LSP1: variants seen among roughly 807,000 people sequenced by gnomAD.
The protein encoded by LSP1 is lymphocyte-specific protein 1.
A neutral mutation model predicts 49.3 loss-of-function variants in LSP1; 32 were observed. The observed-to-expected ratio is 0.65, with a 90% CI of 0.49 to 0.87. LSP1 has a LOEUF of 0.87. Ranked by LOEUF, LSP1 falls within the 40% of genes least tolerant of loss-of-function variation. The probability of loss-of-function intolerance (pLI) is 0.00; values close to 1 mark genes in which losing one functional copy is unlikely to be tolerated. For synonymous variants in LSP1, 179 were observed against 178.8 expected, an observed-to-expected ratio of 1.00 and a Z score of -0.01; for missense variants, 428 against 442.6, an observed-to-expected ratio of 0.97 and a Z score of 0.30.
At chr11:1,890,063 C>T (rs1207961413) in intron 10 of LSP1, 2 of 710,816 alleles carry the variant, frequency 2.8e-6, no homozygotes, top group Non-Finnish European at 2.6e-6. Flanking sequence ...CGTGGGTGCC[C>T]CCACCCCCAG....
intron 2 of LSP1, 167 bp from the exon 3 acceptor site, chr11:1,881,265 C>T (rs1848525797): frequency 1.6e-6 from 1 of 631,004 alleles, no homozygotes; most frequent in Admixed American, 3.3e-5. Flanking sequence ...TAGCCCTGCC[C>T]TCAGGTATTC....
intron 1 of LSP1, among the ~76,000 whole-genome samples, chr11:1,854,834 A>T (rs1847448065): frequency 6.6e-6 from 1 of 152,192 alleles, no homozygotes; most frequent in African/African-American, 2.4e-5. Flanking sequence ...GAAGGGCAGG[A>T]CATGAGCCTC....
chr11:1,853,454 G>C (rs1847411162), intron 1 of LSP1, among the ~76,000 whole-genome samples: 1 of 152,214 alleles, frequency 6.6e-6, no homozygotes, highest in Non-Finnish European at 1.5e-5. Context: ...GGAGGCGCGT[G>C]GGATCCTAAG....
Position 1,883,546 on chromosome 11 carries a change from G to A in LSP1, c.484G>A (p.Glu162Lys), listed in dbSNP as rs1565086802. The A allele has an allele frequency of 6.2e-7, 1 of 1,611,538 alleles. No individual in the cohort carries two copies. Among genetic ancestry groups the A allele is most frequent in the East Asian group, 2.2e-5 (1 of 44,860 alleles). The change falls in exon 4 of 11, where the codon GAG (glutamate) becomes AAG (lysine). Residue 162 changes from glutamate to lysine, a missense_variant. By Grantham distance (56) the Glu-to-Lys change is moderately conservative (BLOSUM62 1). Transcript: ENST00000311604. ...QDNLGAAGAE[E>K]EQEEHQKCQQ... is the part of the protein sequence containing the mutation. ...CAACCTGGGGGCCGCAGGGGCTGAG[G>A]AGGAACAGGAGGAGGTGATGGCTCC...
At chr11:1,861,404 G>C (rs1037236617) in intron 1 of LSP1, among the ~76,000 whole-genome samples, 25 of 152,236 alleles carry the variant, frequency 1.6e-4, no homozygotes, top group Non-Finnish European at 3.2e-4. Flanking sequence ...CACCTTCAAA[G>C]TGTCTGAATT....
In LSP1 at chr11:1,871,238, C is replaced by G. The variant is rs1847991256; in HGVS notation, c.54-8849C>G. The G allele has an allele frequency of 4.1e-6, 4 of 986,508 alleles. No homozygotes were observed. In the African/African-American group the frequency reaches 7.0e-5, roughly 17 times the overall value. The allele number at this position is 986,508 out of a possible 1,614,324, so 61.1% of individuals were successfully genotyped here. On this transcript the variant is annotated intron_variant, in intron 1 of 10. Coordinates refer to ENST00000311604, the MANE Select transcript of LSP1 (RefSeq NM_002339.3). ...GAAGAAAGAGCAGGCACGGGGCAGG[C>G]AGAGCCGCAGCCACGCCGCCGGGAT... is the stretch of plus-strand genomic sequence containing the variant.
chr11:1,887,389 A>C, intron 9 of LSP1, 75 bp downstream of exon 9: 4 of 1,570,970 alleles, frequency 2.5e-6, no homozygotes, highest in Non-Finnish European at 3.5e-6. Flanking sequence ...TCCTCTGTGC[A>C]TCTGGGAGGG....
At chr11:1,889,918 C>G in intron 10 of LSP1, 1 of 627,798 alleles carries the variant, frequency 1.6e-6, no homozygotes, top group Non-Finnish European at 2.9e-6. Flanking sequence ...GCCACTGGGA[C>G]CAGGGGCTGG....
At position 1,866,319 on chromosome 11, in the gene LSP1, CCA is replaced by C. The variant is rs1305074105; in HGVS notation, c.53+13124_53+13125del. 26 of 646,974 alleles carry C rather than the reference CCA, an allele frequency of 4.0e-5. 1 individual carries two copies. The highest frequency in any genetic ancestry group is 1.0e-4 in the Admixed American group (3 of 30,052). 40.1% of individuals were successfully genotyped at this position (646,974 alleles called of 1,614,324 possible). ...CTGGCATCGGTCGGCTTGCCACTGC[CCA>C]CCCAGGCCAGGCACTCAGTGCTGAG... is the stretch of plus-strand genomic sequence containing the variant. On this transcript the variant is annotated intron_variant, in intron 1 of 10. Transcript: ENST00000311604.
chr11:1,878,974 G>A (rs566099461), intron 1 of LSP1, among the ~76,000 whole-genome samples: 2 of 152,222 alleles, frequency 1.3e-5, no homozygotes, highest in Admixed American at 6.5e-5. Context: ...TGAGGGGGGC[G>A]CGTGGGACCC....
intron 1 of LSP1, chr11:1,876,762 G>C (rs1035696759): frequency 1.9e-6 from 1 of 529,630 alleles, no homozygotes; most frequent in Non-Finnish European, 2.4e-6. Flanking sequence ...CCAGCGTCCC[G>C]AGTCGGGGGG....
At chr11:1,871,904 T>G (rs1158460006) in intron 1 of LSP1, among the ~76,000 whole-genome samples, 1 of 141,858 alleles carries the variant, frequency 7.0e-6, no homozygotes, top group Non-Finnish European at 1.5e-5. Flanking sequence ...TCTGTCTGGC[T>G]GGCGTGGGCA....
intron 1 of LSP1, chr11:1,866,934 G>A (rs1565074446): frequency 6.7e-7 from 1 of 1,485,674 alleles, no homozygotes; most frequent in Non-Finnish European, 8.9e-7. Context: ...CACTCAGGAG[G>A]CACTGAAACC....
At chr11:1,882,343 C>T (rs1380512328) in intron 3 of LSP1, among the ~76,000 whole-genome samples, 1 of 152,184 alleles carries the variant, frequency 6.6e-6, no homozygotes, top group Admixed American at 6.5e-5. Flanking sequence ...TGACAGTTCT[C>T]CCTGGTCAGG....
At chr11:1,865,090 T>C in intron 1 of LSP1, 1 of 511,476 alleles carries the variant, frequency 2.0e-6, no homozygotes, top group South Asian at 8.1e-5. Context: ...GGGGCAGGGG[T>C]GCGGGAGGAG....
chr11:1,869,862 T>G, intron 1 of LSP1: 1 of 462,554 alleles, frequency 2.2e-6, no homozygotes. Flanking sequence ...TGGGACCCCC[T>G]GGGTCAGGAC....
intron 1 of LSP1, among the ~76,000 whole-genome samples, chr11:1,878,419 C>A (rs1848399986): frequency 6.6e-6 from 1 of 152,172 alleles, no homozygotes; most frequent in South Asian, 2.1e-4. Context: ...TAAGTGGCTT[C>A]CTCGGGGGCC....
At position 1,853,088 on chromosome 11, in the gene LSP1, C is replaced by A; in HGVS notation, c.-57C>A. On this transcript the variant is annotated 5_prime_UTR_variant, in exon 1 of 11. Coordinates refer to ENST00000311604, the MANE Select transcript of LSP1 (RefSeq NM_002339.3). The stretch of plus-strand genomic sequence containing the variant: ...CCCCAGAAAGCACTGAAAGCCACAG[C>A]ACGTACACCCACTCCAGGGATCTGC... 6.4e-7 allele frequency: 1 copy of A among 1,564,216 alleles called. No homozygotes were observed.
At chr11:1,877,534 C>T (rs182923790) in intron 1 of LSP1, among the ~76,000 whole-genome samples, 390 of 152,330 alleles carry the variant, frequency 2.6e-3, no homozygotes, top group African/African-American at 8.9e-3. Context: ...CACACCTGGG[C>T]CTCGTGCCAG....
Sources: allele counts gnomAD v4.1 joint callset (sites outside exome capture counted in the v4.1 genomes callset), GRCh38; gene constraint gnomAD v4.1.1; transcripts MANE v1.5; gene names NCBI Gene and HGNC (gene_info 2026-07-23, HGNC 2026-07-21).